HNRNPH3: variants seen among roughly 807,000 people sequenced by gnomAD.
HNRNPH3 encodes heterogeneous nuclear ribonucleoprotein H3, also known as heterogeneous nuclear ribonucleoprotein 2H9.
In HNRNPH3, 7 loss-of-function variants were observed where a neutral mutation model predicts 47.0. The ratio of observed to expected loss-of-function variants is 0.15; its 90% confidence interval spans 0.08 to 0.28. The LOEUF is 0.28. HNRNPH3 is among the 10% of genes least tolerant of loss of function. The pLI is 1.00. For synonymous variants in HNRNPH3, 120 were observed against 143.2 expected, an observed-to-expected ratio of 0.84 and a Z score of 1.16; for missense variants, 279 against 449.6, an observed-to-expected ratio of 0.62 and a Z score of 3.43.
At chr10:68,340,029 G>A (rs78511369) in intron 6 of HNRNPH3, among the ~76,000 whole-genome samples, 5,579 of 150,954 alleles carry the variant, frequency 0.037, 331 homozygotes, top group African/African-American at 0.13. Context: ...TTGTTGTACC[G>A]TTTTTTGTTT....
chr10:68,341,979 C>T lies in HNRNPH3; in HGVS notation c.966C>T (p.Gly322=), dbSNP rs773566200. 2 of 1,613,492 alleles carry T rather than the reference C, an allele frequency of 1.2e-6. No homozygotes were observed. Among genetic ancestry groups the T allele is most frequent in the Non-Finnish European group, 1.7e-6 (2 of 1,179,666 alleles). The change falls in exon 10 of 10, where the codon GGC becomes GGT. Residue 322 remains glycine, a splice_region_variant and synonymous_variant. Coordinates refer to ENST00000265866, the MANE Select transcript of HNRNPH3 (RefSeq NM_012207.3). ...YGTPDGLGGY[G]RGGGGSGGYY... Reference sequence around the variant, plus strand: ...GATTCTTAATATCTTTTTCTTAAGGCCGTGGTGGTGGAGGCAGTGGAGGTT... The same window carrying T: ...GATTCTTAATATCTTTTTCTTAAGGTCGTGGTGGTGGAGGCAGTGGAGGTT...
intron 6 of HNRNPH3, 36 bp from the exon 7 acceptor site, chr10:68,341,138 C>T (rs781692178): frequency 3.5e-6 from 5 of 1,428,732 alleles, no homozygotes; most frequent in South Asian, 1.3e-5. Flanking sequence ...TTAATATTCT[C>T]AATAGAAAAG....
chr10:68,338,825 G>A, intron 4 of HNRNPH3, 138 bp downstream of exon 4: 1 of 638,114 alleles, frequency 1.6e-6, no homozygotes, highest in Non-Finnish European at 2.5e-6. Flanking sequence ...GGATTCCCAT[G>A]GCTAGCTGTG....
chr10:68,333,770 T>C (rs1186100603), intron 1 of HNRNPH3, among the ~76,000 whole-genome samples: 2 of 152,162 alleles, frequency 1.3e-5, no homozygotes, highest in African/African-American at 2.4e-5. Context: ...TATAAGAATA[T>C]TGTTACCTAC....
chr10:68,335,295 C>T (rs1443474012), intron 1 of HNRNPH3, among the ~76,000 whole-genome samples: 4 of 150,098 alleles, frequency 2.7e-5, no homozygotes, highest in Admixed American at 2.7e-4. Context: ...AAGATCCTCT[C>T]ACAACAGATT....
In HNRNPH3 at chr10:68,337,774, T is replaced by C. The variant is rs747313893; in HGVS notation, c.113-84T>C. The C allele has an allele frequency of 4.6e-5, 40 of 875,692 alleles. No homozygotes were observed. Among genetic ancestry groups the C allele is most frequent in the Non-Finnish European group, 6.5e-5 (38 of 585,518 alleles). The allele number at this position is 875,692 out of a possible 1,614,324, so 54.2% of individuals were successfully genotyped here. Reference sequence around the variant, plus strand: ...TGTTTTGTTTTGTTTTGTTTAGACTTGTTTTAAATATTTGATTCAGATGGG... The same window carrying C: ...TGTTTTGTTTTGTTTTGTTTAGACTCGTTTTAAATATTTGATTCAGATGGG... On this transcript the variant is annotated intron_variant, in intron 2 of 9. Transcript: ENST00000265866. This position sits in a 1 kb window ranked among gnomAD's most constrained non-coding sequence, Gnocchi z 4.5.
intron 1 of HNRNPH3, among the ~76,000 whole-genome samples, chr10:68,335,351 G>T (rs2045489817): frequency 1.3e-5 from 2 of 150,290 alleles, no homozygotes; most frequent in South Asian, 4.2e-4. Context: ...AAGCAGTGAG[G>T]GTAGATCTGT....
Position 68,332,106 on chromosome 10 carries a change from G to A in HNRNPH3, c.-134G>A, listed in dbSNP as rs2045149340. The stretch of plus-strand genomic sequence containing the variant: ...GCTCCCTAAGCGGTTGTCACCGCTG[G>A]AGACGGTTGGGAGAACCGTTGTGGC... On this transcript the variant is annotated 5_prime_UTR_variant, in exon 1 of 10. Coordinates refer to ENST00000265866, the MANE Select transcript of HNRNPH3 (RefSeq NM_012207.3). 1 of 152,360 alleles carries A rather than the reference G, an allele frequency of 6.6e-6. No individual in the cohort carries two copies. The highest frequency in any genetic ancestry group is 2.4e-5 in the African/African-American group (1 of 41,476). The allele number at this position is 152,360 out of a possible 1,614,324, so 9.4% of individuals were successfully genotyped here.
rs2045599355 is a variant in HNRNPH3, at chr10:68,337,438, TTAAC to T, written c.112+108_112+111del. On this transcript the variant is annotated intron_variant, in intron 2 of 9. Coordinates refer to ENST00000265866, the MANE Select transcript of HNRNPH3 (RefSeq NM_012207.3). This position sits in a 1 kb window ranked among gnomAD's most constrained non-coding sequence, Gnocchi z 4.5. ...CCATTTGATTTTGGAACTTTTAAGT[TTAAC>T]TATGATAGTCTTGGTTAATGTATTA... The T allele has an allele frequency of 1.4e-6, 1 of 698,536 alleles. No homozygotes were observed. Among genetic ancestry groups the T allele is most frequent in the Non-Finnish European group, 2.5e-6 (1 of 400,562 alleles). The allele number at this position is 698,536 out of a possible 1,614,324, so 43.3% of individuals were successfully genotyped here.
At chr10:68,338,421 A>G in intron 3 of HNRNPH3, 82 bp from the exon 4 acceptor site, 1 of 790,816 alleles carries the variant, frequency 1.3e-6, no homozygotes, top group Non-Finnish European at 2.0e-6. Flanking sequence ...AGATATAGAA[A>G]AACTTACTGC....
At position 68,342,469 on chromosome 10, in the gene HNRNPH3, C is replaced by T. The variant is rs2046024707; in HGVS notation, c.*415C>T. On this transcript the variant is annotated 3_prime_UTR_variant, in exon 10 of 10. Coordinates refer to ENST00000265866, the MANE Select transcript of HNRNPH3 (RefSeq NM_012207.3). Reference sequence around the variant, plus strand: ...AGAGCTTGACAAATAATTAGTGTAACTTTTTTCTTTAGTTCCTCCTGGACA... The same window carrying T: ...AGAGCTTGACAAATAATTAGTGTAATTTTTTTCTTTAGTTCCTCCTGGACA... 6.4e-6 allele frequency: 1 copy of T among 156,098 alleles called. No homozygotes were observed. Among genetic ancestry groups the T allele is most frequent in the Non-Finnish European group, 1.4e-5 (1 of 70,666 alleles). The allele number at this position is 156,098 out of a possible 1,614,324, so 9.7% of individuals were successfully genotyped here. A position where few individuals can be genotyped will look rare whatever the true frequency, so the allele number is the denominator to read the frequency against.
At chr10:68,335,296 A>T (rs1046665433) in intron 1 of HNRNPH3, among the ~76,000 whole-genome samples, 1 of 149,402 alleles carries the variant, frequency 6.7e-6, no homozygotes, top group African/African-American at 2.5e-5. Context: ...AGATCCTCTC[A>T]CAACAGATTA....
chr10:68,339,504 C>T lies in HNRNPH3; in HGVS notation c.588C>T (p.Phe196=), dbSNP rs770082202. The T allele has an allele frequency of 3.7e-6, 6 of 1,613,780 alleles. No homozygotes were observed. The highest frequency in any genetic ancestry group is 2.2e-5 in the South Asian group (2 of 91,074). ...GTTCAGGTTTTCATGGTGGTCATTT[C>T]GTACATATGAGAGGGTTGCCTTTTC... ...DASSGFHGGH[F]VHMRGLPFRA... The change falls in exon 6 of 10, where the codon TTC becomes TTT. Residue 196 remains phenylalanine, a synonymous_variant. Coordinates refer to ENST00000265866, the MANE Select transcript of HNRNPH3 (RefSeq NM_012207.3).
chr10:68,339,925 T>C (rs748135885), intron 6 of HNRNPH3, among the ~76,000 whole-genome samples: 1 of 152,198 alleles, frequency 6.6e-6, no homozygotes, highest in Admixed American at 6.5e-5. Context: ...TTCAAACAAG[T>C]AAAAAGCTAC....
chr10:68,336,680 T>C (rs1196475787), intron 1 of HNRNPH3: 1 of 152,294 alleles, frequency 6.6e-6, no homozygotes, highest in Admixed American at 6.5e-5. Context: ...GTGTTCAAAA[T>C]TGTAGTGCAT....
At chr10:68,332,542 T>G (rs1475765516) in intron 1 of HNRNPH3, among the ~76,000 whole-genome samples, 1 of 152,220 alleles carries the variant, frequency 6.6e-6, no homozygotes, top group East Asian at 1.9e-4. Flanking sequence ...CTTCCCGCCC[T>G]TCCCCGCTCT....
chr10:68,340,276 C>A (rs2045816640), intron 6 of HNRNPH3, among the ~76,000 whole-genome samples: 1 of 152,198 alleles, frequency 6.6e-6, no homozygotes, highest in Non-Finnish European at 1.5e-5. Flanking sequence ...GATCCGCCTG[C>A]CCTGGCCTCC....
chr10:68,338,757 A>G (rs2045665761), intron 4 of HNRNPH3, 70 bp downstream of exon 4: 5 of 1,278,666 alleles, frequency 3.9e-6, no homozygotes, highest in Non-Finnish European at 4.3e-6. Context: ...GTCAAGAAAT[A>G]CAGAAATGGC....
chr10:68,340,085 A>G (rs2045797277), intron 6 of HNRNPH3, among the ~76,000 whole-genome samples: 1 of 151,998 alleles, frequency 6.6e-6, no homozygotes, highest in African/African-American at 2.4e-5. Context: ...CCCAGGCTAG[A>G]GTGCAGTGGC....
Sources: gnomAD v4.1 joint callset for allele counts (sites outside exome capture counted in the v4.1 genomes callset) on GRCh38, gnomAD v4.1.1 for gene constraint, Gnocchi (gnomAD v3.1) non-coding constraint, MANE v1.5 for transcripts, NCBI Gene and HGNC (gene_info 2026-07-23, HGNC 2026-07-21) for gene names.